SPEN: variants seen among roughly 807,000 people sequenced by gnomAD.
SPEN encodes spen family transcriptional repressor, also known as msx2-interacting protein.
Under a neutral mutation model 269.9 loss-of-function variants are expected in SPEN, and 18 were observed. The observed-to-expected ratio is 0.07, with a 90% CI of 0.05 to 0.10. The LOEUF (loss-of-function observed/expected upper bound fraction) is 0.10. Among genes scored for constraint, SPEN ranks in the 10% least tolerant of loss-of-function variants. The pLI is 1.00. For missense variants in SPEN, 3,822 were observed against 4,631.2 expected, an observed-to-expected ratio of 0.83 and a Z score of 5.07; for synonymous variants, 1,726 against 1,765.7, an observed-to-expected ratio of 0.98 and a Z score of 0.56.
At position 15,933,880 on chromosome 1, in the gene SPEN, C is replaced by T. The variant is rs1475471010; in HGVS notation, c.7640C>T (p.Thr2547Ile). ...ATGGACCCCAAGTATGTGTCTGCCACAAGTGTCACTTCCACAAGTGTCACC... is the reference window on the plus strand; with the variant it reads ...ATGGACCCCAAGTATGTGTCTGCCATAAGTGTCACTTCCACAAGTGTCACC... Reference protein sequence around the residue: ...ILMDPKYVSATSVTSTSVTTA... With the variant: ...ILMDPKYVSAISVTSTSVTTA... The change falls in exon 11 of 15, where the codon ACA (threonine) becomes ATA (isoleucine). Residue 2547 changes from threonine to isoleucine, a missense_variant. Coordinates refer to ENST00000375759, the MANE Select transcript of SPEN (RefSeq NM_015001.3). This position sits in a 1 kb window ranked among gnomAD's most constrained non-coding sequence, Gnocchi z 5.7. The T allele has an allele frequency of 6.2e-7, 1 of 1,613,928 alleles. No individual in the cohort carries two copies. Among genetic ancestry groups the T allele is most frequent in the Admixed American group, 1.7e-5 (1 of 60,028 alleles).
rs1168345669 is a variant in SPEN, at chr1:15,883,282, GTGT to G, written c.881+6606_881+6608del. 2.6e-5 allele frequency among the ~76,000 whole-genome samples: 4 copies of G among 152,164 alleles called. No individual in the cohort carries two copies. The East Asian group carries it at 5.8e-4, about 22-fold the overall frequency. ...AAGCAGACATGTGAAACCCTTTGTG[GTGT>G]TTGCTTAAAGTAACAAGGAAAGCAT... On this transcript the variant is annotated intron_variant, in intron 3 of 14. Transcript: ENST00000375759.
At chr1:15,853,792 C>T (rs1407874729) in intron 1 of SPEN, among the ~76,000 whole-genome samples, 1 of 152,100 alleles carries the variant, frequency 6.6e-6, no homozygotes. Flanking sequence ...CTTTAGCCTC[C>T]CGAGTAGCTG....
chr1:15,856,631 G>T lies in SPEN; in HGVS notation c.83+8481G>T, dbSNP rs1023050666. Among the ~76,000 whole-genome samples, 6 of 140,932 alleles carry T rather than the reference G, an allele frequency of 4.3e-5. No homozygotes were observed. In the South Asian group the frequency reaches 6.7e-4, roughly 16 times the overall value. 92.5% of individuals were successfully genotyped at this position (140,932 alleles called of 152,430 possible). A position where few individuals can be genotyped will look rare whatever the true frequency, so the allele number is the denominator to read the frequency against. On this transcript the variant is annotated intron_variant, in intron 1 of 14. Transcript: ENST00000375759. ...CACCCAGGCTGGAGTGCAATGGCAT[G>T]ATCTCGGCTCACTGCAACCTCTGCC...
rs557825485 is a variant in SPEN, at chr1:15,903,239, G to A, written c.882-6082G>A. On this transcript the variant is annotated intron_variant, in intron 3 of 14. Transcript: ENST00000375759. ...AATCCTAGCATCCTATATTCTGTTC[G>A]TTTATTAAGAATTGTTATGTAACCA... Among the ~76,000 whole-genome samples the A allele has an allele frequency of 1.0e-3, 159 of 152,228 alleles. 1 individual carries two copies. Among genetic ancestry groups the A allele is most frequent in the African/African-American group, 3.7e-3 (153 of 41,550 alleles).
intron 1 of SPEN, among the ~76,000 whole-genome samples, chr1:15,853,725 G>A (rs1344705142): frequency 2.0e-5 from 3 of 151,778 alleles, no homozygotes; most frequent in South Asian, 4.1e-4. Flanking sequence ...CTGGAGTGCA[G>A]TGGCATGGTC....
In SPEN at chr1:15,901,125, G is replaced by A. The variant is rs553040700; in HGVS notation, c.882-8196G>A. ...CAGCTTCTTCTAGGGTGACTGAGAC[G>A]GGAGGACGTTTGAGCCCAGGAGTTT... is the stretch of plus-strand genomic sequence containing the variant. On this transcript the variant is annotated intron_variant, in intron 3 of 14. Coordinates refer to ENST00000375759, the MANE Select transcript of SPEN (RefSeq NM_015001.3). 4.0e-5 allele frequency among the ~76,000 whole-genome samples: 6 copies of A among 151,576 alleles called. No homozygotes were observed. In the South Asian group the frequency reaches 8.3e-4, roughly 21 times the overall value.
In SPEN at chr1:15,873,502, C is replaced by T. The variant is rs1362790020; in HGVS notation, c.404+366C>T. On this transcript the variant is annotated intron_variant, in intron 2 of 14. Transcript: ENST00000375759. ...GAGCTATTTGGCTTTTGTGTTCATACTATATGGAATATTTCTGGAATATTA... is the reference window on the plus strand; with the variant it reads ...GAGCTATTTGGCTTTTGTGTTCATATTATATGGAATATTTCTGGAATATTA... 4 of 1,007,036 alleles carry T rather than the reference C, an allele frequency of 4.0e-6. No individual in the cohort carries two copies. In the African/African-American group the frequency reaches 6.9e-5, roughly 17 times the overall value. The allele number at this position is 1,007,036 out of a possible 1,614,324, so 62.4% of individuals were successfully genotyped here.
intron 3 of SPEN, among the ~76,000 whole-genome samples, chr1:15,902,083 C>T (rs1248831944): frequency 2.0e-5 from 3 of 151,860 alleles, no homozygotes; most frequent in Non-Finnish European, 4.4e-5. Context: ...CATGTGCCAC[C>T]ACGCCCCGCT....
intron 3 of SPEN, among the ~76,000 whole-genome samples, chr1:15,895,798 G>A (rs980858351): frequency 2.0e-5 from 3 of 150,144 alleles, no homozygotes; most frequent in African/African-American, 7.4e-5. Flanking sequence ...CTCCCACTCA[G>A]TCTCCTGAGT....
Position 15,876,410 on chromosome 1 carries a change from G to T in SPEN, c.613G>T (p.Ala205Ser), listed in dbSNP as rs369087814. 6.2e-7 allele frequency: 1 copy of T among 1,614,060 alleles called. No individual in the cohort carries two copies. Among genetic ancestry groups the T allele is most frequent in the African/African-American group, 1.3e-5 (1 of 75,012 alleles). ...TCATGACCCCCGATATGAACCTAGGGCTCGCGAGCAGTTTACACTGCCCAG... is the reference window on the plus strand; with the variant it reads ...TCATGACCCCCGATATGAACCTAGGTCTCGCGAGCAGTTTACACTGCCCAG... ...DAHDPRYEPR[A>S]REQFTLPSVV... The change falls in exon 3 of 15, where the codon GCT (alanine) becomes TCT (serine). Residue 205 changes from alanine to serine, a missense_variant. Ala to Ser is a moderately conservative substitution (Grantham distance 99). This residue lies in a region of SPEN where 327 missense variants were observed against 350.8 expected (regional missense o/e 0.93). Transcript: ENST00000375759.
intron 1 of SPEN, among the ~76,000 whole-genome samples, chr1:15,862,601 A>C (rs2070458938): frequency 6.6e-6 from 1 of 152,216 alleles, no homozygotes; most frequent in Admixed American, 6.5e-5. Flanking sequence ...CAATCTTTTG[A>C]GAGGTTTGTC....
intron 4 of SPEN, 87 bp downstream of exon 4, chr1:15,909,568 A>T (rs2070992567): frequency 6.1e-6 from 8 of 1,314,890 alleles, no homozygotes; most frequent in Non-Finnish European, 1.0e-6. Context: ...AACTTTGGGC[A>T]TAAAATTATA....
At chr1:15,903,189 A>G (rs1053554857) in intron 3 of SPEN, among the ~76,000 whole-genome samples, 2 of 152,176 alleles carry the variant, frequency 1.3e-5, no homozygotes, top group Admixed American at 6.5e-5. Flanking sequence ...AGTTGATGGC[A>G]TGATATCATT....
chr1:15,872,099 G>A (rs2070582926), intron 1 of SPEN, among the ~76,000 whole-genome samples: 1 of 151,694 alleles, frequency 6.6e-6, no homozygotes, highest in Non-Finnish European at 1.5e-5. Flanking sequence ...TTAGTTGGGT[G>A]TGGTGGCATA....
At position 15,930,173 on chromosome 1, in the gene SPEN, T is replaced by C. The variant is rs1382768138; in HGVS notation, c.3933T>C (p.Pro1311=). The C allele has an allele frequency of 6.2e-7, 1 of 1,614,172 alleles. No individual in the cohort carries two copies. The highest frequency in any genetic ancestry group is 1.7e-5 in the Admixed American group (1 of 60,024). ...GGGAAGAGTCTTTAAAATTTAATCC[T>C]TATGATTCTAGCAGGAGAGAACAGA... is the stretch of plus-strand genomic sequence containing the variant. ...TVREESLKFN[P]YDSSRREQMA... The change falls in exon 11 of 15, where the codon CCT becomes CCC. Residue 1311 remains proline, a synonymous_variant. Transcript: ENST00000375759. The surrounding 1 kb of genome is among the most constrained non-coding windows in gnomAD (Gnocchi z 5.3).
In SPEN at chr1:15,927,626, AT is replaced by A. The variant is rs2071180802; in HGVS notation, c.1851-463del. Among the ~76,000 whole-genome samples, 4 of 152,276 alleles carry A rather than the reference AT, an allele frequency of 2.6e-5. No homozygotes were observed. The South Asian group carries it at 8.3e-4, about 32-fold the overall frequency. On this transcript the variant is annotated intron_variant, in intron 10 of 14. Transcript: ENST00000375759. ...GAGACTTAGGTAGGAGTGTGGGGAT[AT>A]TGTCCAGTAACTAGTGTCTGCTTTG...
Position 15,931,025 on chromosome 1 carries a change from G to A in SPEN, c.4785G>A (p.Gln1595=). 6.2e-7 allele frequency: 1 copy of A among 1,613,402 alleles called. No homozygotes were observed. The highest frequency in any genetic ancestry group is 1.1e-5 in the South Asian group (1 of 90,938). Residue 1595 remains glutamine (Q), a synonymous_variant, in exon 11 of 15, where the codon CAG becomes CAA. Transcript: ENST00000375759. The surrounding 1 kb of genome is among the most constrained non-coding windows in gnomAD (Gnocchi z 4.8). ...TTATGGAGCTCACACGGATGCAACAGAAAGAAAAAGAAAAAGACCAGAAAC... is the reference window on the plus strand; with the variant it reads ...TTATGGAGCTCACACGGATGCAACAAAAAGAAAAAGAAAAAGACCAGAAAC... ...SRFMELTRMQ[Q]KEKEKDQKPK...
At chr1:15,860,744 G>C (rs2070440063) in intron 1 of SPEN, among the ~76,000 whole-genome samples, 1 of 151,216 alleles carries the variant, frequency 6.6e-6, no homozygotes, top group South Asian at 2.1e-4. Flanking sequence ...CTGGACTACA[G>C]GCACATGCCA....
At chr1:15,857,757 C>G (rs1039639275) in intron 1 of SPEN, among the ~76,000 whole-genome samples, 18 of 152,116 alleles carry the variant, frequency 1.2e-4, no homozygotes, top group African/African-American at 3.6e-4. Context: ...ACCTCCTGGG[C>G]TTGAGGTATC....
Sources: allele counts gnomAD v4.1 joint callset (sites outside exome capture counted in the v4.1 genomes callset), GRCh38; gene constraint gnomAD v4.1.1; regional missense constraint gnomAD v4.1.1; non-coding constraint Gnocchi (gnomAD v3.1); transcripts MANE v1.5; gene names NCBI Gene and HGNC (gene_info 2026-07-23, HGNC 2026-07-21).